SRD5A2: variants seen among roughly 807,000 people sequenced by gnomAD.
SRD5A2 encodes steroid 5 alpha-reductase 2.
Under a neutral mutation model 27.4 loss-of-function variants are expected in SRD5A2, and 30 were observed. The ratio of observed to expected loss-of-function variants is 1.10; its 90% confidence interval spans 0.82 to 1.49. The LOEUF (loss-of-function observed/expected upper bound fraction) is 1.49. SRD5A2 is among the 40% of genes most tolerant of loss of function. The pLI is 0.00. For synonymous variants in SRD5A2, 141 were observed against 133.6 expected (o/e 1.06, Z -0.38); for missense variants, 348 against 323.4 (o/e 1.08, Z -0.58).
the SRD5A2 span, among the ~76,000 whole-genome samples, chr2:31,609,147 T>C: frequency 6.6e-6 from 1 of 152,002 alleles, no homozygotes; most frequent in African/African-American, 2.4e-5. Context: ...ATGTGAAAAA[T>C]AAATTCCTGT....
At chr2:31,621,366 G>T in the SRD5A2 span, among the ~76,000 whole-genome samples, 18 of 152,062 alleles carry the variant, frequency 1.2e-4, no homozygotes, top group African/African-American at 4.3e-4. Context: ...GGAATCATAT[G>T]GTATGTAACC....
intron 1 of SRD5A2, among the ~76,000 whole-genome samples, chr2:31,573,735 T>C (rs1255167776): frequency 6.6e-6 from 1 of 152,174 alleles, no homozygotes; most frequent in Non-Finnish European, 1.5e-5. Flanking sequence ...AAAGGATGCG[T>C]ACAGCTCAGC....
At chr2:31,603,516 C>A in the SRD5A2 span, among the ~76,000 whole-genome samples, 1 of 151,898 alleles carries the variant, frequency 6.6e-6, no homozygotes, top group African/African-American at 2.4e-5. Context: ...GCAAAAATAC[C>A]ATTTGACCCA....
chr2:31,600,292 C>A, the SRD5A2 span, among the ~76,000 whole-genome samples: 1 of 152,038 alleles, frequency 6.6e-6, no homozygotes, highest in East Asian at 1.9e-4. Context: ...GCAATAAACA[C>A]ATGAGTGCAC....
intron 1 of SRD5A2, among the ~76,000 whole-genome samples, chr2:31,542,851 A>T (rs946485914): frequency 2.0e-5 from 3 of 152,170 alleles, no homozygotes; most frequent in Admixed American, 6.5e-5. Flanking sequence ...CAGACAACGC[A>T]GAGAGAAAGA....
upstream of SRD5A2, among the ~76,000 whole-genome samples, chr2:31,582,024 G>A (rs955405463): frequency 1.3e-5 from 2 of 150,952 alleles, no homozygotes; most frequent in African/African-American, 2.4e-5. Context: ...TTCTTTCTTC[G>A]ACCCGGCTTT....
At chr2:31,615,749 A>G in the SRD5A2 span, among the ~76,000 whole-genome samples, 2 of 152,208 alleles carry the variant, frequency 1.3e-5, no homozygotes, top group African/African-American at 4.8e-5. Context: ...ACAATGGGGA[A>G]AATGTCTCCA....
At position 31,566,152 on chromosome 2, in the gene SRD5A2, T is replaced by C. The variant is rs555479992; in HGVS notation, c.281+14468A>G. Among the ~76,000 whole-genome samples the C allele has an allele frequency of 2.0e-5, 3 of 152,106 alleles. No homozygotes were observed. In the East Asian group the frequency reaches 5.8e-4, roughly 29 times the overall value. Reference sequence around the variant, plus strand: ...AAATCAAAGGAGAAATTAAAATACATGAAATAAATTAAAATGGTAACAACA... The same window carrying C: ...AAATCAAAGGAGAAATTAAAATACACGAAATAAATTAAAATGGTAACAACA... On this transcript the variant is annotated intron_variant, in intron 1 of 4. Coordinates refer to ENST00000622030, the MANE Select transcript of SRD5A2 (RefSeq NM_000348.4).
the SRD5A2 span, among the ~76,000 whole-genome samples, chr2:31,607,307 A>G: frequency 2.0e-5 from 3 of 152,138 alleles, no homozygotes; most frequent in East Asian, 1.9e-4. Context: ...TCAATAAGCA[A>G]CAAAGAGAAA....
intron 1 of SRD5A2, among the ~76,000 whole-genome samples, chr2:31,558,930 G>A (rs1045422301): frequency 1.3e-5 from 2 of 152,180 alleles, no homozygotes; most frequent in African/African-American, 4.8e-5. Context: ...GTTAAGCAAT[G>A]CATGACATCG....
At chr2:31,624,926 A>T in the SRD5A2 span, among the ~76,000 whole-genome samples, 355 of 152,280 alleles carry the variant, frequency 2.3e-3, no homozygotes, top group African/African-American at 7.8e-3. Context: ...ATCCTTGAGG[A>T]ATCTCCACAC....
chr2:31,625,404 C>T, the SRD5A2 span, among the ~76,000 whole-genome samples: 14 of 152,114 alleles, frequency 9.2e-5, no homozygotes, highest in Admixed American at 8.5e-4. Context: ...GTTGCCATTG[C>T]TTTTGGTGTT....
At chr2:31,662,068 C>A in the SRD5A2 span, among the ~76,000 whole-genome samples, 1 of 152,068 alleles carries the variant, frequency 6.6e-6, no homozygotes. Flanking sequence ...ACATTTTTCC[C>A]ACAGATTCTT....
At chr2:31,618,549 T>A in the SRD5A2 span, among the ~76,000 whole-genome samples, 34 of 152,202 alleles carry the variant, frequency 2.2e-4, no homozygotes, top group Admixed American at 5.9e-4. Context: ...CAGGAAGACA[T>A]TATTTTAAGT....
chr2:31,649,177 A>G, the SRD5A2 span, among the ~76,000 whole-genome samples: 1 of 152,250 alleles, frequency 6.6e-6, no homozygotes, highest in Admixed American at 6.5e-5. Context: ...CATTTTAAAC[A>G]GCCGCTAGCT....
At chr2:31,526,518 T>G (rs537926969) in intron 4 of SRD5A2, among the ~76,000 whole-genome samples, 3 of 152,170 alleles carry the variant, frequency 2.0e-5, no homozygotes, top group African/African-American at 7.2e-5. Flanking sequence ...ATGTACCTAA[T>G]GCCACTGAAT....
the SRD5A2 span, among the ~76,000 whole-genome samples, chr2:31,596,701 C>G: frequency 6.6e-6 from 1 of 151,988 alleles, no homozygotes; most frequent in African/African-American, 2.4e-5. Flanking sequence ...TCATCAGAGA[C>G]CAAGCTGAGA....
At chr2:31,581,924 G>A (rs542405803), upstream of SRD5A2, among the ~76,000 whole-genome samples, 10 of 152,140 alleles carry the variant, frequency 6.6e-5, no homozygotes, top group Non-Finnish European at 1.2e-4. Context: ...CAGCCCCTCC[G>A]TCTTCTACCT....
At chr2:31,617,889 A>G in the SRD5A2 span, among the ~76,000 whole-genome samples, 1 of 152,028 alleles carries the variant, frequency 6.6e-6, no homozygotes, top group African/African-American at 2.4e-5. Flanking sequence ...AACTATTTCA[A>G]TCTCTGCCTG....
Sources: allele counts gnomAD v4.1 joint callset (sites outside exome capture counted in the v4.1 genomes callset), GRCh38; gene constraint gnomAD v4.1.1; transcripts MANE v1.5; gene names NCBI Gene and HGNC (gene_info 2026-07-23, HGNC 2026-07-21).